BRF1: variants seen among roughly 807,000 people sequenced by gnomAD.
BRF1 encodes BRF1 general transcription factor IIIB subunit.
Under a neutral mutation model 81.7 loss-of-function variants are expected in BRF1, and 59 were observed. The observed-to-expected ratio is 0.72, with a 90% CI of 0.59 to 0.90. BRF1 has a LOEUF of 0.90. Ranked by LOEUF, BRF1 falls within the 40% of genes least tolerant of loss-of-function variation. BRF1 has a pLI of 0.00. For synonymous variants in BRF1, 491 were observed against 395.6 expected (o/e 1.24, Z -2.86); for missense variants, 1,050 against 936.3 (o/e 1.12, Z -1.58).
intron 1 of BRF1, among the ~76,000 whole-genome samples, chr14:105,311,983 C>G (rs925968476): frequency 4.6e-5 from 7 of 152,240 alleles, no homozygotes; most frequent in Non-Finnish European, 8.8e-5. Flanking sequence ...CTCAGCCCAG[C>G]TCCTGGCAGG....
intron 3 of BRF1, among the ~76,000 whole-genome samples, chr14:105,263,441 C>G (rs995101511): frequency 6.6e-6 from 1 of 152,046 alleles, no homozygotes; most frequent in African/African-American, 2.4e-5. Flanking sequence ...GCCACAGGCA[C>G]CAGGCTGAGG....
At chr14:105,268,503 CCCCCGGCACTTTCGGGGTGA>C in intron 3 of BRF1, among the ~76,000 whole-genome samples, 1 of 152,328 alleles carries the variant, frequency 6.6e-6, no homozygotes, top group African/African-American at 2.4e-5. Flanking sequence ...GTGTGCACAG[CCCCCGGCACTTTCGGGGTGA>C]TAGTGGACAC....
At position 105,217,707 on chromosome 14, in the gene BRF1, T is replaced by G. The variant is rs1294916798; in HGVS notation, c.1609A>C (p.Lys537Gln). The G allele has an allele frequency of 3.7e-6, 6 of 1,613,314 alleles. No individual in the cohort carries two copies. Among genetic ancestry groups the G allele is most frequent in the African/African-American group, 1.3e-5 (1 of 74,952 alleles). ...CCCCGGAGCACGCTATAATTGATCT[T>G]GCTGGAGATCTTCTTCTGCTCCAGC... ...KMLEQKKISS[K>Q]INYSVLRGLS... The change falls in exon 15 of 18, where the codon AAG becomes CAG. Residue 537 changes from lysine (K) to glutamine (Q), a missense_variant. This residue lies in a region of BRF1 where 1,043 missense variants were observed against 915.4 expected (regional missense o/e 1.14). Coordinates refer to ENST00000547530, the MANE Select transcript of BRF1 (RefSeq NM_001519.4).
intron 1 of BRF1, among the ~76,000 whole-genome samples, chr14:105,290,566 C>T (rs1237787746): frequency 2.0e-5 from 3 of 152,118 alleles, no homozygotes; most frequent in African/African-American, 4.8e-5. Flanking sequence ...TGAGATGCCA[C>T]GTTAAATTAC....
chr14:105,275,608 G>A lies in BRF1; in HGVS notation c.266-2714C>T, dbSNP rs867631769. On this transcript the variant is annotated intron_variant, in intron 2 of 17. Transcript: ENST00000547530. The stretch of plus-strand genomic sequence containing the variant: ...TCTCTGCTGTATGTTTGAAAATTCT[G>A]TAATAAAAGGTAAGAGAGAGGTACT... Among the ~76,000 whole-genome samples, 23 of 152,338 alleles carry A rather than the reference G, an allele frequency of 1.5e-4. No homozygotes were observed. The Middle Eastern group carries it at 0.014, about 90-fold the overall frequency.
chr14:105,269,269 C>T lies in BRF1; in HGVS notation c.439+3452G>A, dbSNP rs1008006005. On this transcript the variant is annotated intron_variant, in intron 3 of 17. Coordinates refer to ENST00000547530, the MANE Select transcript of BRF1 (RefSeq NM_001519.4). The surrounding 1 kb of genome is among the most constrained non-coding windows in gnomAD (Gnocchi z 5.0). ...CTGGGAAGTGAGGGCTACAGCTACC[C>T]GAGACCAGCCCGAAGCATCCTCTGA... Among the ~76,000 whole-genome samples the T allele has an allele frequency of 2.6e-5, 4 of 152,094 alleles. No homozygotes were observed. Among genetic ancestry groups the T allele is most frequent in the African/African-American group, 4.8e-5 (2 of 41,392 alleles).
chr14:105,254,557 G>A (rs587659291), intron 4 of BRF1, among the ~76,000 whole-genome samples: 1 of 142,182 alleles, frequency 7.0e-6, no homozygotes, highest in Admixed American at 7.1e-5. Context: ...GCACCTGGCC[G>A]CAGTTTTTTG....
At chr14:105,250,042 G>C (rs1343589131) in intron 5 of BRF1, 5 of 1,612,794 alleles carry the variant, frequency 3.1e-6, no homozygotes, top group Non-Finnish European at 4.2e-6. Flanking sequence ...GGCATGTTCT[G>C]GGGCGAGCCC....
chr14:105,213,608 G>A (rs1277430527), intron 15 of BRF1, among the ~76,000 whole-genome samples: 5 of 151,982 alleles, frequency 3.3e-5, no homozygotes, highest in Admixed American at 3.3e-4. Context: ...AGGAGGGTGC[G>A]CTTCCTGCAG....
At chr14:105,219,671 T>C in intron 12 of BRF1, 1 of 390,582 alleles carries the variant, frequency 2.6e-6, no homozygotes, top group Non-Finnish European at 4.7e-6. Flanking sequence ...TGAGATAAAC[T>C]GCAAAGAGCT....
chr14:105,251,597 A>G (rs977941531), intron 5 of BRF1, among the ~76,000 whole-genome samples: 2 of 152,048 alleles, frequency 1.3e-5, no homozygotes, highest in African/African-American at 4.8e-5. Context: ...GCATGGGCCG[A>G]GTGTATAGCC....
At chr14:105,215,651 C>T (rs1239345526) in intron 15 of BRF1, among the ~76,000 whole-genome samples, 1 of 145,732 alleles carries the variant, frequency 6.9e-6, no homozygotes, top group Non-Finnish European at 1.5e-5. Context: ...GACACAGGCA[C>T]ACACACACTG....
In BRF1 at chr14:105,217,665, C is replaced by G; in HGVS notation, c.1651G>C (p.Gly551Arg). The G allele has an allele frequency of 6.2e-7, 1 of 1,613,374 alleles. No individual in the cohort carries two copies. The highest frequency in any genetic ancestry group is 8.5e-7 in the Non-Finnish European group (1 of 1,180,026). Reference protein sequence around the residue: ...SVLRGLSSAGGGSPHREDAQP... With the variant: ...SVLRGLSSAGRGSPHREDAQP... ...GCATCCTCCCTGTGCGGACTGCCCC[C>G]GCCGGCGCTGCTGAGGCCCCGGAGC... Residue 551 changes from glycine (G) to arginine (R), a missense_variant, in exon 15 of 18, where the codon GGG (glycine) becomes CGG (arginine). Coordinates refer to ENST00000547530, the MANE Select transcript of BRF1 (RefSeq NM_001519.4).
Position 105,250,392 on chromosome 14 carries a change from G to A in BRF1, c.544+2115C>T, listed in dbSNP as rs368000536. The A allele has an allele frequency of 1.3e-4, 216 of 1,613,700 alleles. No homozygotes were observed. Among genetic ancestry groups the A allele is most frequent in the Non-Finnish European group, 1.7e-4 (200 of 1,180,044 alleles). On this transcript the variant is annotated intron_variant, in intron 5 of 17. Coordinates refer to ENST00000547530, the MANE Select transcript of BRF1 (RefSeq NM_001519.4). ...TACAGCGTGAAGATTGAGCTCAAGC[G>A]GCTCGGGGTGGTTCTGGCTCAGAAC...
intron 16 of BRF1, chr14:105,211,541 G>C (rs1890111961): frequency 1.9e-6 from 1 of 533,008 alleles, no homozygotes; most frequent in Non-Finnish European, 3.3e-6. Context: ...TATCCTACTG[G>C]GCCCCACCCC....
At chr14:105,219,463 C>T (rs12894144) in intron 12 of BRF1, 262,074 of 888,976 alleles carry the variant, frequency 0.29, 48,170 homozygotes, top group African/African-American at 0.76. Flanking sequence ...TGTGAGACCC[C>T]CTAGGGCAGC....
At position 105,241,349 on chromosome 14, in the gene BRF1, A is replaced by G; in HGVS notation, c.610T>C (p.Ser204Pro). The change falls in exon 6 of 18, where the codon TCC (serine) becomes CCC (proline). Residue 204 changes from serine to proline, a missense_variant. Around this residue, in one of 2 missense-constraint regions of BRF1, gnomAD observed 1,043 missense variants for 915.4 expected, o/e 1.14. Coordinates refer to ENST00000547530, the MANE Select transcript of BRF1 (RefSeq NM_001519.4). Reference protein sequence around the residue: ...LEFGEKNHEVSMTALRLLQRM... With the variant: ...LEFGEKNHEVPMTALRLLQRM... ...TGTAGGAGCCTCAGGGCAGTCATGG[A>G]CACCTCGTGGTTCTTCTCCCCGAAT... 4 of 1,612,764 alleles carry G rather than the reference A, an allele frequency of 2.5e-6. No homozygotes were observed. Among genetic ancestry groups the G allele is most frequent in the Non-Finnish European group, 3.4e-6 (4 of 1,179,912 alleles).
intron 1 of BRF1, among the ~76,000 whole-genome samples, chr14:105,287,424 G>A (rs139415874): frequency 1.5e-3 from 234 of 152,316 alleles, no homozygotes; most frequent in Non-Finnish European, 2.6e-3. Flanking sequence ...CCCCCGCCCC[G>A]CAGCGTCGGC....
Position 105,210,704 on chromosome 14 carries a change from C to A in BRF1, c.1997-116G>T. 8.1e-7 allele frequency: 1 copy of A among 1,238,668 alleles called. No individual in the cohort carries two copies. The highest frequency in any genetic ancestry group is 1.1e-6 in the Non-Finnish European group (1 of 887,098). 76.7% of individuals were successfully genotyped at this position (1,238,668 alleles called of 1,614,324 possible). A position where few individuals can be genotyped will look rare whatever the true frequency, so the allele number is the denominator to read the frequency against. On this transcript the variant is annotated intron_variant, in intron 17 of 17. Transcript: ENST00000547530. The surrounding 1 kb of genome is among the most constrained non-coding windows in gnomAD (Gnocchi z 4.7). Reference sequence around the variant, plus strand: ...GAAGACTCAGGCTCCAGCCCCAGCCCCAGCCCCCCGCGCCCCGCCAGGAGC... The same window carrying A: ...GAAGACTCAGGCTCCAGCCCCAGCCACAGCCCCCCGCGCCCCGCCAGGAGC...
Sources: allele counts gnomAD v4.1 joint callset (sites outside exome capture counted in the v4.1 genomes callset), GRCh38; gene constraint gnomAD v4.1.1; regional missense constraint gnomAD v4.1.1; non-coding constraint Gnocchi (gnomAD v3.1); transcripts MANE v1.5; gene names NCBI Gene and HGNC (gene_info 2026-07-23, HGNC 2026-07-21).